Variants in PPM1H observed in about 807,000 individuals in gnomAD.
The protein encoded by PPM1H is protein phosphatase, Mg2+/Mn2+ dependent 1H.
In PPM1H, 27 loss-of-function variants were observed where a neutral mutation model predicts 54.9. That is an observed-to-expected ratio of 0.49 (90% CI 0.36 to 0.68). The LOEUF (loss-of-function observed/expected upper bound fraction) is 0.68. Ranked by LOEUF, PPM1H falls within the 30% of genes least tolerant of loss-of-function variation. The pLI is 0.00. For missense variants in PPM1H, 596 were observed against 667.8 expected (o/e 0.89, Z 1.19); for synonymous variants, 305 against 270.8 (o/e 1.13, Z -1.24).
At chr12:62,662,145 C>T (rs1208318300) in intron 9 of PPM1H, among the ~76,000 whole-genome samples, 5 of 152,162 alleles carry the variant, frequency 3.3e-5, no homozygotes, top group African/African-American at 7.2e-5. Context: ...CACTCCTTGG[C>T]ATACAGATTT....
intron 4 of PPM1H, among the ~76,000 whole-genome samples, chr12:62,760,550 C>T (rs74098828): frequency 0.071 from 10,800 of 152,220 alleles, 797 homozygotes; most frequent in African/African-American, 0.19. Context: ...GCAACTAGCT[C>T]TCCCCCACCT....
chr12:62,652,146 A>G (rs1179136435), intron 9 of PPM1H, among the ~76,000 whole-genome samples: 3 of 152,220 alleles, frequency 2.0e-5, no homozygotes, highest in Admixed American at 2.0e-4. Flanking sequence ...GTGTTTTTCA[A>G]TGCCACTTTC....
chr12:62,902,652 G>A (rs1021053610), intron 1 of PPM1H, among the ~76,000 whole-genome samples: 1 of 152,106 alleles, frequency 6.6e-6, no homozygotes, highest in Non-Finnish European at 1.5e-5. Flanking sequence ...ATCTCTAAGG[G>A]TCCATTCTTC....
chr12:62,773,213 G>C (rs1020023767), intron 4 of PPM1H, among the ~76,000 whole-genome samples: 1 of 152,198 alleles, frequency 6.6e-6, no homozygotes, highest in Admixed American at 6.5e-5. Flanking sequence ...CGTGGCTTAG[G>C]CCTGTAATTC....
At chr12:62,736,611 C>T (rs753993229) in intron 5 of PPM1H, among the ~76,000 whole-genome samples, 2 of 152,220 alleles carry the variant, frequency 1.3e-5, no homozygotes, top group Non-Finnish European at 2.9e-5. Context: ...TCTAAATCAA[C>T]CAAATTAATT....
Position 62,722,297 on chromosome 12 carries a change from G to T in PPM1H, c.955-2008C>A, listed in dbSNP as rs372614902. 3.3e-5 allele frequency among the ~76,000 whole-genome samples: 5 copies of T among 152,266 alleles called. No individual in the cohort carries two copies. The East Asian group carries it at 9.7e-4, about 29-fold the overall frequency. On this transcript the variant is annotated intron_variant, in intron 5 of 9. Transcript: ENST00000228705. ...CACTACCCAAGCTGGACTAACATGG[G>T]CTTAGGGGTTACCATGTGCCAGCCC... is the stretch of plus-strand genomic sequence containing the variant.
intron 2 of PPM1H, among the ~76,000 whole-genome samples, chr12:62,818,770 A>G (rs1429196455): frequency 6.6e-6 from 1 of 151,204 alleles, no homozygotes; most frequent in Non-Finnish European, 1.5e-5. Flanking sequence ...CTTCTCTACT[A>G]TACTACATAC....
intron 1 of PPM1H, among the ~76,000 whole-genome samples, chr12:62,918,398 C>T (rs1332595768): frequency 6.6e-6 from 1 of 152,204 alleles, no homozygotes; most frequent in African/African-American, 2.4e-5. Flanking sequence ...CATGATGGTA[C>T]CAAAATAGGG....
At chr12:62,843,088 G>A (rs1046767015) in intron 1 of PPM1H, among the ~76,000 whole-genome samples, 2 of 152,174 alleles carry the variant, frequency 1.3e-5, no homozygotes, top group Non-Finnish European at 2.9e-5. Context: ...GGCTGAGGCC[G>A]GCGGATTGCT....
chr12:62,853,721 T>C (rs1000160423), intron 1 of PPM1H, among the ~76,000 whole-genome samples: 2 of 152,080 alleles, frequency 1.3e-5, no homozygotes, highest in African/African-American at 2.4e-5. Flanking sequence ...GAAAAACTCA[T>C]TGATAAAGGG....
rs570028006 is a variant in PPM1H at position 62,770,215 on chromosome 12, A to G, written c.869+18011T>C. 2.6e-5 allele frequency among the ~76,000 whole-genome samples: 4 copies of G among 152,040 alleles called. No homozygotes were observed. In the East Asian group the frequency reaches 7.7e-4, roughly 29 times the overall value. On this transcript the variant is annotated intron_variant, in intron 4 of 9. Transcript: ENST00000228705. The stretch of plus-strand genomic sequence containing the variant: ...ATAAAACACTTATTGAGCATTTATT[A>G]TATGCCAGGAACTGTGCTTAACATT...
intron 2 of PPM1H, among the ~76,000 whole-genome samples, chr12:62,815,692 C>T (rs920098652): frequency 1.3e-4 from 19 of 151,842 alleles, no homozygotes; most frequent in Non-Finnish European, 2.2e-4. Flanking sequence ...ACTCACTTCA[C>T]TCTAATAAGC....
intron 1 of PPM1H, among the ~76,000 whole-genome samples, chr12:62,933,574 C>T (rs1206289446): frequency 6.6e-6 from 1 of 152,180 alleles, no homozygotes; most frequent in Non-Finnish European, 1.5e-5. Flanking sequence ...ACCTTGAATT[C>T]TATTCTAAAT....
intron 2 of PPM1H, among the ~76,000 whole-genome samples, chr12:62,811,364 A>C (rs1325049404): frequency 6.6e-6 from 1 of 152,214 alleles, no homozygotes; most frequent in Non-Finnish European, 1.5e-5. Context: ...ATACTATTAA[A>C]TAGCCTGGAG....
At chr12:62,675,783 G>A (rs2136621867) in intron 8 of PPM1H, among the ~76,000 whole-genome samples, 1 of 152,270 alleles carries the variant, frequency 6.6e-6, no homozygotes, top group Middle Eastern at 3.4e-3. Flanking sequence ...CTACTTCACA[G>A]GACTCTTCAC....
chr12:62,765,331 C>CATAA (rs2076535352), intron 4 of PPM1H, among the ~76,000 whole-genome samples: 1 of 152,144 alleles, frequency 6.6e-6, no homozygotes, highest in Admixed American at 6.5e-5. Flanking sequence ...ATGTGCTGGG[C>CATAA]ATAAGGAGAG....
At chr12:62,917,304 G>A (rs1399084132) in intron 1 of PPM1H, among the ~76,000 whole-genome samples, 3 of 152,242 alleles carry the variant, frequency 2.0e-5, no homozygotes, top group Admixed American at 6.5e-5. Flanking sequence ...CCATGTAGAT[G>A]TCCTCAGGTC....
At chr12:62,762,699 C>T (rs10784314) in intron 4 of PPM1H, among the ~76,000 whole-genome samples, 22,853 of 152,156 alleles carry the variant, frequency 0.15, 1,928 homozygotes, top group Middle Eastern at 0.31. Context: ...GTAAGTTCCC[C>T]ATAATAAAAC....
At chr12:62,838,338 T>TGGGGG (rs369140482) in intron 1 of PPM1H, among the ~76,000 whole-genome samples, 7 of 93,318 alleles carry the variant, frequency 7.5e-5, no homozygotes, top group African/African-American at 1.5e-4. Context: ...TGTGTGTGTG[T>TGGGGG]GGGGGGGGGG....
Sources: allele counts gnomAD v4.1 joint callset (sites outside exome capture counted in the v4.1 genomes callset), GRCh38; gene constraint gnomAD v4.1.1; transcripts MANE v1.5; gene names NCBI Gene and HGNC (gene_info 2026-07-23, HGNC 2026-07-21).